Variants in DOCK2 observed in about 807,000 individuals in gnomAD.
The protein encoded by DOCK2 is dedicator of cytokinesis protein 2.
In DOCK2, 87 loss-of-function variants were observed where a neutral mutation model predicts 248.9. That is an observed-to-expected ratio of 0.35 (90% confidence interval 0.29 to 0.42). The LOEUF is 0.42. Among genes scored for constraint, DOCK2 ranks in the 10% least tolerant of loss-of-function variants. The pLI is 1.00. For synonymous variants in DOCK2, 805 were observed against 821.6 expected (o/e 0.98, Z 0.35); for missense variants, 1,747 against 2,300.2 (o/e 0.76, Z 4.92).
At chr5:169,683,588 A>G (rs1053619340) in intron 7 of DOCK2, among the ~76,000 whole-genome samples, 31 of 152,172 alleles carry the variant, frequency 2.0e-4, no homozygotes, top group African/African-American at 6.5e-4. Flanking sequence ...ATCCTCGTCA[A>G]CACTTGATAT....
chr5:170,065,740 T>C (rs57846634), intron 44 of DOCK2, among the ~76,000 whole-genome samples: 22,799 of 151,972 alleles, frequency 0.15, 2,465 homozygotes, highest in East Asian at 0.45. Flanking sequence ...AAGAACAGCA[T>C]GGGAAAGACC....
chr5:169,778,710 A>G (rs997708876), intron 25 of DOCK2, among the ~76,000 whole-genome samples: 4 of 152,240 alleles, frequency 2.6e-5, no homozygotes, highest in African/African-American at 2.4e-5. Context: ...TTGAGCTGAA[A>G]GGAATGTTAG....
At chr5:169,853,228 C>T (rs1172870906) in intron 27 of DOCK2, among the ~76,000 whole-genome samples, 1 of 152,192 alleles carries the variant, frequency 6.6e-6, no homozygotes, top group African/African-American at 2.4e-5. Flanking sequence ...GTCCAATAGG[C>T]CTCTTTGTTT....
chr5:169,956,292 T>C (rs1561849406), intron 27 of DOCK2, among the ~76,000 whole-genome samples: 1 of 152,190 alleles, frequency 6.6e-6, no homozygotes, highest in Non-Finnish European at 1.5e-5. Flanking sequence ...ATAGTTGGAG[T>C]GCCTGGGAGC....
intron 27 of DOCK2, chr5:169,883,874 T>G: frequency 1.3e-6 from 2 of 1,513,652 alleles, no homozygotes; most frequent in Non-Finnish European, 1.8e-6. Flanking sequence ...AGCACAGGTC[T>G]CACTTTCATA....
At chr5:169,681,112 CCTTTTTT>C (rs1759635692) in intron 6 of DOCK2, among the ~76,000 whole-genome samples, 2 of 134,092 alleles carry the variant, frequency 1.5e-5, no homozygotes, top group South Asian at 2.6e-4. Flanking sequence ...TTTTAGTAGA[CCTTTTTT>C]TTTTTTTTTT....
At chr5:170,065,953 GTT>G (rs34658795) in intron 44 of DOCK2, among the ~76,000 whole-genome samples, 8 of 133,368 alleles carry the variant, frequency 6.0e-5, no homozygotes, top group South Asian at 2.4e-4. Flanking sequence ...AATGAAAACT[GTT>G]TTTTTTTTTT....
At chr5:169,786,757 G>A (rs1322418087) in intron 25 of DOCK2, among the ~76,000 whole-genome samples, 2 of 151,984 alleles carry the variant, frequency 1.3e-5, no homozygotes, top group African/African-American at 4.8e-5. Context: ...GTTTTAAACA[G>A]GAAAAATAAT....
intron 26 of DOCK2, among the ~76,000 whole-genome samples, chr5:169,808,261 G>A (rs1321422212): frequency 6.6e-6 from 1 of 152,184 alleles, no homozygotes; most frequent in Non-Finnish European, 1.5e-5. Context: ...ACCACGTGTG[G>A]AAATTTAGCA....
chr5:169,939,966 A>T (rs959213499), intron 27 of DOCK2, among the ~76,000 whole-genome samples: 1 of 152,216 alleles, frequency 6.6e-6, no homozygotes, highest in African/African-American at 2.4e-5. Context: ...GCTTAAGGAT[A>T]GTTGGCTATG....
chr5:169,769,167 A>G (rs1764954682), intron 25 of DOCK2, among the ~76,000 whole-genome samples: 1 of 152,202 alleles, frequency 6.6e-6, no homozygotes, highest in African/African-American at 2.4e-5. Context: ...AAAAATTTCA[A>G]TACATGGTAT....
intron 27 of DOCK2, among the ~76,000 whole-genome samples, chr5:169,926,164 T>C (rs1216403708): frequency 1.3e-5 from 2 of 151,748 alleles, no homozygotes; most frequent in African/African-American, 4.8e-5. Context: ...GGAGTAGGAG[T>C]TCCTATAGTC....
chr5:169,983,499 C>G (rs769362119), intron 28 of DOCK2, among the ~76,000 whole-genome samples: 2 of 152,186 alleles, frequency 1.3e-5, no homozygotes, highest in Non-Finnish European at 2.9e-5. Context: ...ATAGCTCTCA[C>G]GTAGTAAGTG....
chr5:170,010,957 T>C (rs1755265244), intron 32 of DOCK2, among the ~76,000 whole-genome samples: 1 of 152,238 alleles, frequency 6.6e-6, no homozygotes, highest in Non-Finnish European at 1.5e-5. Flanking sequence ...CAGGCATTCC[T>C]GCACTCCCAA....
In DOCK2 at chr5:169,811,981, G is replaced by T. The variant is rs535781785; in HGVS notation, c.2703+8775G>T. Among the ~76,000 whole-genome samples the T allele has an allele frequency of 2.6e-5, 4 of 152,288 alleles. No individual in the cohort carries two copies. In the South Asian group the frequency reaches 6.2e-4, roughly 24 times the overall value. Reference sequence around the variant, plus strand: ...CATGTGCTCTATTCTGTATGCTGGGGCTACGGCTGTGAGCAGAGCAGGGGA... The same window carrying T: ...CATGTGCTCTATTCTGTATGCTGGGTCTACGGCTGTGAGCAGAGCAGGGGA... On this transcript the variant is annotated intron_variant, in intron 26 of 51. Coordinates refer to ENST00000520908, the MANE Select transcript of DOCK2 (RefSeq NM_004946.3).
intron 26 of DOCK2, among the ~76,000 whole-genome samples, chr5:169,818,894 T>A (rs972412989): frequency 1.3e-5 from 2 of 152,198 alleles, no homozygotes; most frequent in African/African-American, 4.8e-5. Flanking sequence ...AGGTTGAATT[T>A]ATTTGAATTC....
At chr5:169,804,479 T>TGC (rs1399418837) in intron 26 of DOCK2, among the ~76,000 whole-genome samples, 13 of 70,560 alleles carry the variant, frequency 1.8e-4, no homozygotes, top group African/African-American at 4.5e-4. Flanking sequence ...TGTGTGTGTG[T>TGC]GTGTGTGCGC....
At chr5:170,023,286 T>A (rs6866324) in intron 33 of DOCK2, among the ~76,000 whole-genome samples, 1 of 152,088 alleles carries the variant, frequency 6.6e-6, no homozygotes, top group African/African-American at 2.4e-5. Flanking sequence ...GAGCTCAATC[T>A]TTGCTCATTG....
intron 2 of DOCK2, among the ~76,000 whole-genome samples, chr5:169,654,899 A>G (rs1231730103): frequency 2.0e-5 from 3 of 152,140 alleles, no homozygotes; most frequent in Admixed American, 6.5e-5. Context: ...GCATGAAGGC[A>G]CCCAGCCCAG....
Sources: allele counts gnomAD v4.1 joint callset (sites outside exome capture counted in the v4.1 genomes callset), GRCh38; gene constraint gnomAD v4.1.1; transcripts MANE v1.5; gene names NCBI Gene and HGNC (gene_info 2026-07-23, HGNC 2026-07-21).